The following SSC4D variants were observed in gnomAD, a reference collection of about 807,000 sequenced individuals.
SSC4D encodes the protein scavenger receptor cysteine-rich domain-containing group B protein.
Under a neutral mutation model 63.4 loss-of-function variants are expected in SSC4D, and 57 were observed. That is an observed-to-expected ratio of 0.90 (90% CI 0.73 to 1.12). SSC4D has a LOEUF of 1.12. Among genes scored for constraint, SSC4D ranks in the 50% most tolerant of loss-of-function variants. SSC4D has a pLI of 0.00. For synonymous variants in SSC4D, 352 were observed against 345.4 expected, an observed-to-expected ratio of 1.02 and a Z score of -0.21; for missense variants, 791 against 806.4, an observed-to-expected ratio of 0.98 and a Z score of 0.23.
chr7:76,394,311 CAT>C (rs1263418745), intron 7 of SSC4D, among the ~76,000 whole-genome samples: 1 of 152,076 alleles, frequency 6.6e-6, no homozygotes, highest in Non-Finnish European at 1.5e-5. Context: ...GTGGTGCGAT[CAT>C]AGCTCACTGC....
rs1170697067 is a variant in SSC4D at position 76,397,500 on chromosome 7, C to T, written c.868+18G>A. ...GCCCACCTGCCCCGGCCCCGCCCAT[C>T]GCCCCTAGAGCCCGCACCTGCGCAG... On this transcript the variant is annotated intron_variant, in intron 6 of 10. Coordinates refer to ENST00000275560, the MANE Select transcript of SSC4D (RefSeq NM_080744.2). The T allele has an allele frequency of 2.0e-6, 3 of 1,470,604 alleles. No individual in the cohort carries two copies. The highest frequency in any genetic ancestry group is 1.8e-6 in the Non-Finnish European group (2 of 1,112,210). 91.1% of individuals were successfully genotyped at this position (1,470,604 alleles called of 1,614,324 possible).
Position 76,397,562 on chromosome 7 carries a change from A to T in SSC4D, c.824T>A (p.Val275Glu). 1 of 1,604,336 alleles carries T rather than the reference A, an allele frequency of 6.2e-7. No individual in the cohort carries two copies. ...GTCCTCGTGGTGGCCGCAGTTGTGC[A>T]CACCCCAGCCCAGGCTCTGGCAGGC... ...LAACQSLGWG[V>E]HNCGHHEDAG... Residue 275 changes from valine to glutamate, a missense_variant, in exon 6 of 11, where the codon GTG (valine) becomes GAG (glutamate). By Grantham distance (121) the Val-to-Glu change is moderately radical. Transcript: ENST00000275560.
chr7:76,408,768 G>T (rs1584038112), intron 1 of SSC4D, among the ~76,000 whole-genome samples: 2 of 152,158 alleles, frequency 1.3e-5, no homozygotes, highest in African/African-American at 2.4e-5. Context: ...GCAAGACAAG[G>T]CTTCATCCCT....
At chr7:76,399,876 T>C (rs1396158579) in intron 4 of SSC4D, among the ~76,000 whole-genome samples, 2 of 152,120 alleles carry the variant, frequency 1.3e-5, no homozygotes, top group African/African-American at 4.8e-5. Flanking sequence ...GACTTGGACC[T>C]GTAGTTCCAG....
rs912728087 is a variant in SSC4D, at chr7:76,398,938, A to G, written c.476-141T>C. ...CACACAAAGAGTCACAGCCAGGAAC[A>G]CTGGGGTATGAGAGGAGAGGGTCCA... On this transcript the variant is annotated intron_variant, in intron 4 of 10. Transcript: ENST00000275560. 54 of 782,088 alleles carry G rather than the reference A, an allele frequency of 6.9e-5. No individual in the cohort carries two copies. In the African/African-American group the frequency reaches 8.5e-4, roughly 12 times the overall value. The allele number at this position is 782,088 out of a possible 1,614,324, so 48.4% of individuals were successfully genotyped here. A position where few individuals can be genotyped will look rare whatever the true frequency, so the allele number is the denominator to read the frequency against.
Position 76,404,374 on chromosome 7 carries a change from C to T in SSC4D, c.66G>A (p.Leu22=). The T allele has an allele frequency of 1.9e-6, 3 of 1,613,816 alleles. No individual in the cohort carries two copies. The highest frequency in any genetic ancestry group is 2.5e-6 in the Non-Finnish European group (3 of 1,179,920). Residue 22 remains leucine, a synonymous_variant, in exon 2 of 11, where the codon TTG becomes TTA. Coordinates refer to ENST00000275560, the MANE Select transcript of SSC4D (RefSeq NM_080744.2). ...AGGGAGGGGCAGCACTCCCATCTCC[C>T]AACCTCCACCCCCAGCGCTTCTCAT... ...QLDEKRWGWR[L]GDGSAAPPFL... is the part of the protein sequence containing the mutation.
intron 6 of SSC4D, among the ~76,000 whole-genome samples, chr7:76,396,428 T>A (rs1373865758): frequency 6.6e-6 from 1 of 152,236 alleles, no homozygotes; most frequent in African/African-American, 2.4e-5. Flanking sequence ...TAAATAGAAT[T>A]ACGACTGCAG....
chr7:76,393,370 CCCGCTGT>C (rs758008367), intron 9 of SSC4D, 28 bp downstream of exon 9: 2 of 1,333,438 alleles, frequency 1.5e-6, no homozygotes, highest in Non-Finnish European at 1.9e-6. Flanking sequence ...AGTGCGCGGC[CCCGCTGT>C]CAGCCTCACC....
At chr7:76,394,845 A>C (rs1294143245) in intron 7 of SSC4D, among the ~76,000 whole-genome samples, 1 of 144,454 alleles carries the variant, frequency 6.9e-6, no homozygotes, top group East Asian at 2.0e-4. Flanking sequence ...ATTATATATA[A>C]GATATATATA....
rs983438705 is a variant in SSC4D at position 76,390,376 on chromosome 7, C to G, written c.1412-1G>C. 1 of 1,575,100 alleles carries G rather than the reference C, an allele frequency of 6.3e-7. No individual in the cohort carries two copies. Among genetic ancestry groups the G allele is most frequent in the Non-Finnish European group, 8.6e-7 (1 of 1,158,682 alleles). ...GCTCCATTGACCAGACGTAGATGCC[C>G]TGTGGGGGGACAGGGCTGGGTTGGA... On this transcript the variant is annotated splice_acceptor_variant, in intron 10 of 10. Coordinates refer to ENST00000275560, the MANE Select transcript of SSC4D (RefSeq NM_080744.2). LOFTEE classifies it high-confidence loss of function.
At position 76,390,189 on chromosome 7, in the gene SSC4D, C is replaced by A. The variant is rs1804463658; in HGVS notation, c.1598G>T (p.Gly533Val). Residue 533 changes from glycine (G) to valine (V), a missense_variant, in exon 11 of 11, where the codon GGC becomes GTC. Physicochemically the swap from Gly to Val is moderately radical, Grantham distance 109. Transcript: ENST00000275560. ...CTTGACATTGTCCAGGAGAATGGGG[C>A]CTCGGCCTGGGCCAAAGTGAGCCTC... ...PGEAHFGPGR[G>V]PILLDNVKCR... 3 of 1,614,212 alleles carry A rather than the reference C, an allele frequency of 1.9e-6. No individual in the cohort carries two copies. The highest frequency in any genetic ancestry group is 1.6e-4 in the Middle Eastern group (1 of 6,062).
intron 1 of SSC4D, among the ~76,000 whole-genome samples, chr7:76,405,178 A>G (rs1490359547): frequency 2.2e-5 from 3 of 136,492 alleles, no homozygotes; most frequent in Non-Finnish European, 3.2e-5. Flanking sequence ...ATCTCGGCTC[A>G]CTGCAACCTC....
chr7:76,407,675 G>C (rs561547606), intron 1 of SSC4D, among the ~76,000 whole-genome samples: 9 of 152,122 alleles, frequency 5.9e-5, no homozygotes, highest in African/African-American at 2.2e-4. Flanking sequence ...CAAGGCTGCA[G>C]TTAGCCATGA....
rs1371991552 is a variant in SSC4D, at chr7:76,395,170, T to C, written c.946+83A>G. 1.2e-5 allele frequency: 19 copies of C among 1,533,168 alleles called. No individual in the cohort carries two copies. The East Asian group carries it at 1.6e-4, about 13-fold the overall frequency. The allele number at this position is 1,533,168 out of a possible 1,614,324, so 95.0% of individuals were successfully genotyped here. A position where few individuals can be genotyped will look rare whatever the true frequency, so the allele number is the denominator to read the frequency against. ...TGGCCTGTTAGCCAGGGCCCCCGCC[T>C]GTGAATCCAGAACATTCTTCCCAGT... On this transcript the variant is annotated intron_variant, in intron 7 of 10. Coordinates refer to ENST00000275560, the MANE Select transcript of SSC4D (RefSeq NM_080744.2).
chr7:76,391,236 C>T (rs1804488566), intron 10 of SSC4D, among the ~76,000 whole-genome samples: 1 of 152,046 alleles, frequency 6.6e-6, no homozygotes. Flanking sequence ...GAGTTCGTGA[C>T]CAGCCTGGCC....
chr7:76,409,216 A>G (rs957691308), intron 1 of SSC4D, among the ~76,000 whole-genome samples, 198 bp downstream of exon 1: 1 of 152,124 alleles, frequency 6.6e-6, no homozygotes, highest in African/African-American at 2.4e-5. Context: ...TGATGGCTAC[A>G]GAATCATAGA....
At position 76,395,474 on chromosome 7, in the gene SSC4D, G is replaced by A. The variant is rs531081895; in HGVS notation, c.869-144C>T. ...GGGCTGGTGGCCCAGCCGCAGCGGG[G>A]TTCCAAGGAGGCCTGTCCCCACTTT... On this transcript the variant is annotated intron_variant, in intron 6 of 10. Transcript: ENST00000275560. The A allele has an allele frequency of 6.7e-6, 5 of 745,682 alleles. No individual in the cohort carries two copies. In the African/African-American group the frequency reaches 8.7e-5, roughly 13 times the overall value. The allele number at this position is 745,682 out of a possible 1,614,324, so 46.2% of individuals were successfully genotyped here.
intron 10 of SSC4D, among the ~76,000 whole-genome samples, chr7:76,390,796 G>A (rs1253190605): frequency 2.0e-5 from 3 of 152,032 alleles, no homozygotes; most frequent in East Asian, 1.9e-4. Context: ...CAGCCTGGGC[G>A]ACAGAGTGAG....
chr7:76,395,414 G>T, intron 6 of SSC4D, 84 bp from the exon 7 acceptor site: 2 of 1,402,458 alleles, frequency 1.4e-6, no homozygotes, highest in Non-Finnish European at 2.0e-6. Context: ...AGGATAGGAG[G>T]GTCTGCCTGG....
Sources: gnomAD v4.1 joint callset for allele counts (sites outside exome capture counted in the v4.1 genomes callset) on GRCh38, gnomAD v4.1.1 for gene constraint, MANE v1.5 for transcripts, NCBI Gene and HGNC (gene_info 2026-07-23, HGNC 2026-07-21) for gene names.